Variants in PKIG observed in about 807,000 individuals in gnomAD.
The protein encoded by PKIG is protein kinase (cAMP-dependent, catalytic) inhibitor gamma.
PKIG carries 1 observed loss-of-function variant against 6.8 expected under a neutral mutation model. That is an observed-to-expected ratio of 0.15 (90% CI 0.05 to 0.69). PKIG has a LOEUF of 0.69. Among genes scored for constraint, PKIG ranks in the 30% least tolerant of loss-of-function variants. PKIG has a pLI of 0.82. For missense variants in PKIG, 77 were observed against 104.0 expected, an observed-to-expected ratio of 0.74 and a Z score of 1.13; for synonymous variants, 39 against 43.0, an observed-to-expected ratio of 0.91 and a Z score of 0.36.
chr20:44,540,738 C>T (rs188747038), intron 1 of PKIG, among the ~76,000 whole-genome samples: 7 of 151,988 alleles, frequency 4.6e-5, no homozygotes, highest in East Asian at 1.9e-4. Flanking sequence ...CCACCATACC[C>T]GGCTAATTTT....
chr20:44,548,110 T>A (rs1279613425), intron 1 of PKIG, among the ~76,000 whole-genome samples: 1 of 151,456 alleles, frequency 6.6e-6, no homozygotes, highest in Non-Finnish European at 1.5e-5. Context: ...ACTTGGGAGG[T>A]GGAGGTTGCA....
intron 2 of PKIG, among the ~76,000 whole-genome samples, chr20:44,603,149 A>G (rs1190041247): frequency 1.3e-5 from 2 of 152,194 alleles, no homozygotes; most frequent in African/African-American, 4.8e-5. Context: ...TGGGGAATTT[A>G]TATTCTTACC....
rs1202437438 is a variant in PKIG at position 44,558,627 on chromosome 20, T to TCTCA, written c.-240-23958_-240-23957insCTCA. Among the ~76,000 whole-genome samples the TCTCA allele has an allele frequency of 2.0e-5, 3 of 146,368 alleles. No homozygotes were observed. In the South Asian group the frequency reaches 6.4e-4, roughly 31 times the overall value. ...CTTTCTTTCTTTCTCATTCTTTCTTTTTCATTCTTTCTTTTTTTCTTTCTC... is the reference window on the plus strand; with the variant it reads ...CTTTCTTTCTTTCTCATTCTTTCTTTCTCATTCATTCTTTCTTTTTTTCTTTCTC... On this transcript the variant is annotated intron_variant, in intron 1 of 4. Transcript: ENST00000372887.
At chr20:44,598,451 C>T (rs2065092943) in intron 2 of PKIG, among the ~76,000 whole-genome samples, 1 of 152,170 alleles carries the variant, frequency 6.6e-6, no homozygotes, top group Non-Finnish European at 1.5e-5. Context: ...TACCCAGTTT[C>T]CCCCTTCATT....
At chr20:44,585,778 C>T (rs1024658878) in intron 1 of PKIG, among the ~76,000 whole-genome samples, 18 of 152,284 alleles carry the variant, frequency 1.2e-4, no homozygotes, top group Non-Finnish European at 2.2e-4. Context: ...GCGCATTCCC[C>T]TGTGCCCTCT....
chr20:44,608,915 T>C (rs1452913130), intron 2 of PKIG, among the ~76,000 whole-genome samples: 5 of 152,192 alleles, frequency 3.3e-5, no homozygotes, highest in East Asian at 1.9e-4. Context: ...CTAAAAGATA[T>C]GGAAAAAGTT....
At chr20:44,599,018 A>C (rs2065097911) in intron 2 of PKIG, 1 of 152,194 alleles carries the variant, frequency 6.6e-6, no homozygotes, top group Non-Finnish European at 1.5e-5. Context: ...AAAGATTCTG[A>C]AGGTTTGTAT....
At chr20:44,597,018 A>C (rs934438265) in intron 2 of PKIG, among the ~76,000 whole-genome samples, 1 of 152,122 alleles carries the variant, frequency 6.6e-6, no homozygotes, top group African/African-American at 2.4e-5. Flanking sequence ...TGCCTCTTGC[A>C]TGCTGTGCCC....
rs530763647 is a variant in PKIG at position 44,586,144 on chromosome 20, T to C, written c.-94+3413T>C. ...AGATCCTGGACTGATCACCTCACTTTATAGAACCTACTTCTCTTTCTGTCA... is the reference window on the plus strand; with the variant it reads ...AGATCCTGGACTGATCACCTCACTTCATAGAACCTACTTCTCTTTCTGTCA... On this transcript the variant is annotated intron_variant, in intron 1 of 3. Transcript: ENST00000372886. Among the ~76,000 whole-genome samples the C allele has an allele frequency of 5.3e-5, 8 of 152,338 alleles. No homozygotes were observed. The East Asian group carries it at 1.2e-3, about 22-fold the overall frequency.
At chr20:44,537,609 ACT>A (rs1165380540) in intron 1 of PKIG, among the ~76,000 whole-genome samples, 2 of 147,060 alleles carry the variant, frequency 1.4e-5, no homozygotes, top group African/African-American at 5.1e-5. Flanking sequence ...ACAGAGTCTC[ACT>A]CTGTCCCTCA....
In PKIG at chr20:44,611,043, A is replaced by G. The variant is rs546069982; in HGVS notation, c.-23-3491A>G. Among the ~76,000 whole-genome samples, 324 of 150,406 alleles carry G rather than the reference A, an allele frequency of 2.2e-3. 1 individual carries two copies. Among genetic ancestry groups the G allele is most frequent in the African/African-American group, 7.5e-3 (306 of 40,732 alleles). ...AAAGCTTCTGTAGTTATTTTGTAAT[A>G]TAGAATGCCTTTTTTTTTTTTTTTT... On this transcript the variant is annotated intron_variant, in intron 2 of 3. Transcript: ENST00000372886.
chr20:44,534,544 C>G (rs1320739293), intron 1 of PKIG, among the ~76,000 whole-genome samples: 3 of 151,612 alleles, frequency 2.0e-5, no homozygotes, highest in African/African-American at 7.3e-5. Context: ...TCTTGGCTCA[C>G]TGCAGCCTCT....
intron 1 of PKIG, among the ~76,000 whole-genome samples, chr20:44,552,178 AGTCT>A (rs1008079230): frequency 1.3e-5 from 2 of 152,054 alleles, no homozygotes; most frequent in Non-Finnish European, 2.9e-5. Context: ...GTTGTCTGTC[AGTCT>A]GTTTGTCAGA....
At chr20:44,608,992 AC>A (rs1265378573) in intron 2 of PKIG, among the ~76,000 whole-genome samples, 3 of 152,230 alleles carry the variant, frequency 2.0e-5, no homozygotes, top group Non-Finnish European at 4.4e-5. Flanking sequence ...AGTCTCATTA[AC>A]AGGGTTTGAG....
At chr20:44,540,014 G>A (rs1474188257) in intron 1 of PKIG, among the ~76,000 whole-genome samples, 1 of 152,070 alleles carries the variant, frequency 6.6e-6, no homozygotes, top group Non-Finnish European at 1.5e-5. Flanking sequence ...CTGCTGGAGT[G>A]CAGTGGTGTG....
At chr20:44,596,218 G>A (rs183166186) in intron 2 of PKIG, among the ~76,000 whole-genome samples, 1 of 152,340 alleles carries the variant, frequency 6.6e-6, no homozygotes, top group East Asian at 1.9e-4. Flanking sequence ...ATTTCTGTGT[G>A]TATTTGTCGA....
intron 1 of PKIG, among the ~76,000 whole-genome samples, chr20:44,549,082 GA>G (rs1386685949): frequency 6.6e-6 from 1 of 152,076 alleles, no homozygotes; most frequent in Admixed American, 6.5e-5. Flanking sequence ...AAATTCTCAG[GA>G]AGTTTTAAAA....
chr20:44,588,265 A>G (rs754215109), intron 1 of PKIG, among the ~76,000 whole-genome samples: 50 of 152,332 alleles, frequency 3.3e-4, no homozygotes, highest in Admixed American at 1.8e-3. Flanking sequence ...TACAAGCACA[A>G]ATGGTGGCGT....
At chr20:44,544,020 C>T (rs1191594798) in intron 1 of PKIG, among the ~76,000 whole-genome samples, 1 of 149,532 alleles carries the variant, frequency 6.7e-6, no homozygotes, top group Non-Finnish European at 1.5e-5. Flanking sequence ...GCTGAGGTCA[C>T]ACCACTGCAC....
Sources: gnomAD v4.1 joint callset for allele counts (sites outside exome capture counted in the v4.1 genomes callset) on GRCh38, gnomAD v4.1.1 for gene constraint, MANE v1.5 for transcripts, NCBI Gene and HGNC (gene_info 2026-07-23, HGNC 2026-07-21) for gene names.